The following FRMD4A variants were observed in gnomAD, a reference collection of about 807,000 sequenced individuals.
FRMD4A encodes FERM domain containing 4A.
FRMD4A carries 29 observed loss-of-function variants against 129.1 expected under a neutral mutation model. That is an observed-to-expected ratio of 0.22 (90% confidence interval 0.17 to 0.31). FRMD4A has a LOEUF of 0.31. Ranked by LOEUF, FRMD4A falls within the 10% of genes least tolerant of loss-of-function variation. The pLI, the probability that FRMD4A is intolerant of heterozygous loss-of-function variation, is 1.00. For missense variants in FRMD4A, 1,272 were observed against 1,375.8 expected, an observed-to-expected ratio of 0.92 and a Z score of 1.19; for synonymous variants, 634 against 571.6, an observed-to-expected ratio of 1.11 and a Z score of -1.56.
At chr10:14,166,013 A>G (rs1290868008) in intron 2 of FRMD4A, among the ~76,000 whole-genome samples, 1 of 152,006 alleles carries the variant, frequency 6.6e-6, no homozygotes, top group Non-Finnish European at 1.5e-5. Context: ...TGAAGTTAGA[A>G]AAAAAACTGT....
At chr10:13,969,080 C>T (rs1173143297) in intron 2 of FRMD4A, among the ~76,000 whole-genome samples, 1 of 152,178 alleles carries the variant, frequency 6.6e-6, no homozygotes, top group Non-Finnish European at 1.5e-5. Context: ...TAATCTTGGA[C>T]CTCCTGCAGA....
chr10:13,861,072 C>T (rs958140658), intron 2 of FRMD4A, among the ~76,000 whole-genome samples: 40 of 152,286 alleles, frequency 2.6e-4, no homozygotes, highest in Middle Eastern at 6.8e-3. Flanking sequence ...AGCACAGTCG[C>T]GGGCCGAAGG....
intron 9 of FRMD4A, among the ~76,000 whole-genome samples, chr10:13,742,849 C>T (rs1038718088): frequency 6.6e-6 from 1 of 151,964 alleles, no homozygotes; most frequent in Non-Finnish European, 1.5e-5. Flanking sequence ...CCAGGATCTA[C>T]CTAAAGCCTT....
intron 24 of FRMD4A, chr10:13,651,456 C>G (rs899112061): frequency 6.1e-6 from 1 of 162,712 alleles, no homozygotes; most frequent in African/African-American, 2.4e-5. Context: ...TGGGGCCAGG[C>G]GCACAGATCA....
chr10:14,235,093 C>T (rs569960220), intron 2 of FRMD4A, among the ~76,000 whole-genome samples: 19 of 152,100 alleles, frequency 1.2e-4, no homozygotes, highest in Non-Finnish European at 2.5e-4. Context: ...TGGGCTGGCA[C>T]AGTGGGGTAT....
intron 2 of FRMD4A, among the ~76,000 whole-genome samples, chr10:14,172,773 G>C (rs898705839): frequency 3.9e-5 from 6 of 152,186 alleles, no homozygotes; most frequent in African/African-American, 1.4e-4. Context: ...TAAGCAACAG[G>C]ATTCCAGCTA....
rs573075938 is a variant in FRMD4A at position 14,317,273 on chromosome 10, C to T, written c.45+12785G>A. On this transcript the variant is annotated intron_variant, in intron 2 of 24. Coordinates refer to ENST00000357447, the MANE Select transcript of FRMD4A (RefSeq NM_018027.5). ...GGATCTTGACCTCTCTTTCTCTATT[C>T]CTTTTTGCCTTCCTCATACCCAAAT... Among the ~76,000 whole-genome samples, 6 of 152,278 alleles carry T rather than the reference C, an allele frequency of 3.9e-5. 1 individual carries two copies. In the South Asian group the frequency reaches 1.0e-3, roughly 26 times the overall value.
Position 14,021,951 on chromosome 10 carries a change from T to G in FRMD4A, c.46-163039A>C, listed in dbSNP as rs527665168. Reference sequence around the variant, plus strand: ...TGCATGCAATCATGAGATTTCTGCGTTTTTTTTTGCATTTTATTGCTCCCA... The same window carrying G: ...TGCATGCAATCATGAGATTTCTGCGGTTTTTTTTGCATTTTATTGCTCCCA... On this transcript the variant is annotated intron_variant, in intron 2 of 24. Coordinates refer to ENST00000357447, the MANE Select transcript of FRMD4A (RefSeq NM_018027.5). Among the ~76,000 whole-genome samples the G allele has an allele frequency of 6.1e-4, 88 of 143,638 alleles. 2 individuals carry two copies. The South Asian group carries it at 0.014, about 23-fold the overall frequency. 94.2% of individuals were successfully genotyped at this position (143,638 alleles called of 152,430 possible).
intron 2 of FRMD4A, among the ~76,000 whole-genome samples, chr10:14,084,209 T>G (rs1356699807): frequency 6.6e-6 from 1 of 152,150 alleles, no homozygotes; most frequent in East Asian, 1.9e-4. Flanking sequence ...TGCAGTGGCA[T>G]GATCTTGGCT....
At chr10:14,131,781 C>T (rs1014191822) in intron 2 of FRMD4A, among the ~76,000 whole-genome samples, 10 of 152,112 alleles carry the variant, frequency 6.6e-5, no homozygotes, top group Non-Finnish European at 4.4e-5. Context: ...CCTTCCTCTC[C>T]TTCCGCTCCC....
At chr10:14,272,878 T>G (rs766003078) in intron 2 of FRMD4A, among the ~76,000 whole-genome samples, 6 of 152,210 alleles carry the variant, frequency 3.9e-5, no homozygotes, top group Non-Finnish European at 8.8e-5. Flanking sequence ...AATATTTTAC[T>G]CAAATAGACG....
intron 2 of FRMD4A, among the ~76,000 whole-genome samples, chr10:14,156,509 A>T (rs1160542349): frequency 6.6e-6 from 1 of 152,222 alleles, no homozygotes; most frequent in Non-Finnish European, 1.5e-5. Context: ...TAACGGTATC[A>T]GATGATAAAT....
intron 3 of FRMD4A, among the ~76,000 whole-genome samples, chr10:13,823,619 C>T (rs1275133463): frequency 6.6e-6 from 1 of 152,170 alleles, no homozygotes; most frequent in African/African-American, 2.4e-5. Context: ...AAAGCCTGCC[C>T]TGCAGACTCT....
intron 5 of FRMD4A, among the ~76,000 whole-genome samples, chr10:13,784,990 C>CAA (rs35375065): frequency 0.075 from 7,405 of 98,222 alleles, 818 homozygotes; most frequent in African/African-American, 0.24. Flanking sequence ...GACTCTATCT[C>CAA]AAAAAAAAAA....
At chr10:13,823,309 C>G (rs966799759) in intron 3 of FRMD4A, among the ~76,000 whole-genome samples, 1 of 152,118 alleles carries the variant, frequency 6.6e-6, no homozygotes, top group Non-Finnish European at 1.5e-5. Flanking sequence ...ATAGAGCAAC[C>G]CCCAGACTCC....
chr10:14,101,296 G>A (rs1454702716), intron 2 of FRMD4A, among the ~76,000 whole-genome samples: 1 of 152,174 alleles, frequency 6.6e-6, no homozygotes, highest in African/African-American at 2.4e-5. Flanking sequence ...TGCGGGCAAT[G>A]AAACTCACAG....
intron 2 of FRMD4A, among the ~76,000 whole-genome samples, chr10:14,164,638 G>C: frequency 6.6e-6 from 1 of 152,264 alleles, no homozygotes. Flanking sequence ...GAAGAAGATG[G>C]AGCCAGTGAA....
At chr10:14,024,400 A>T (rs1393985217) in intron 2 of FRMD4A, among the ~76,000 whole-genome samples, 1 of 152,234 alleles carries the variant, frequency 6.6e-6, no homozygotes, top group African/African-American at 2.4e-5. Flanking sequence ...AAAGTCTTCC[A>T]GCTTGGCAGC....
At chr10:13,656,563 C>T (rs913972349) in intron 22 of FRMD4A, 73 bp downstream of exon 22, 3 of 1,310,520 alleles carry the variant, frequency 2.3e-6, no homozygotes, top group Non-Finnish European at 2.9e-6. Context: ...GTACCTTCCC[C>T]GCGGTAGCCC....
Sources: allele counts gnomAD v4.1 joint callset (sites outside exome capture counted in the v4.1 genomes callset), GRCh38; gene constraint gnomAD v4.1.1; transcripts MANE v1.5; gene names NCBI Gene and HGNC (gene_info 2026-07-23, HGNC 2026-07-21).